PCDHA9: variants seen among roughly 807,000 people sequenced by gnomAD.
PCDHA9 encodes protocadherin alpha-9.
Under a neutral mutation model 62.0 loss-of-function variants are expected in PCDHA9, and 62 were observed. That is an observed-to-expected ratio of 1.00 (90% CI 0.81 to 1.23). PCDHA9 has a LOEUF of 1.23. Among genes scored for constraint, PCDHA9 ranks in the 50% most tolerant of loss-of-function variants. The pLI is 0.00. For missense variants in PCDHA9, 1,205 were observed against 1,249.8 expected, an observed-to-expected ratio of 0.96 and a Z score of 0.54; for synonymous variants, 557 against 567.6, an observed-to-expected ratio of 0.98 and a Z score of 0.27.
At chr5:140,871,545 A>G (rs1554165721) in intron 1 of PCDHA9, 1 of 1,501,736 alleles carries the variant, frequency 6.7e-7, no homozygotes, top group Non-Finnish European at 8.9e-7. Context: ...GAAATTATTT[A>G]AAATCCAGTT....
intron 1 of PCDHA9, chr5:140,876,310 G>A: frequency 6.2e-7 from 1 of 1,613,982 alleles, no homozygotes. Flanking sequence ...AATTTCCTAT[G>A]GGATCAAAAT....
chr5:140,940,361 A>T (rs1396183629), intron 1 of PCDHA9, among the ~76,000 whole-genome samples: 1 of 152,210 alleles, frequency 6.6e-6, no homozygotes, highest in Non-Finnish European at 1.5e-5. Flanking sequence ...TGCTATTAAA[A>T]GTATTCCTTG....
Position 140,924,836 on chromosome 5 carries a change from A to G in PCDHA9, c.2395-54113A>G, listed in dbSNP as rs182903893. ...CTTGAACCTGGGAGGGGGAGGTTGC[A>G]GGGAGCTCAGATCGTGCCACTGCAC... On this transcript the variant is annotated intron_variant, in intron 1 of 3. Coordinates refer to ENST00000532602, the MANE Select transcript of PCDHA9 (RefSeq NM_031857.2). Among the ~76,000 whole-genome samples, 1,210 of 151,808 alleles carry G rather than the reference A, an allele frequency of 8.0e-3. 6 individuals carry two copies. Among genetic ancestry groups the G allele is most frequent in the African/African-American group, 0.019 (780 of 41,292 alleles).
At chr5:140,897,100 A>G (rs10054072) in intron 1 of PCDHA9, among the ~76,000 whole-genome samples, 2,117 of 151,950 alleles carry the variant, frequency 0.014, 42 homozygotes, top group African/African-American at 0.049. Context: ...CTCATTAAAA[A>G]TCTCCACTTT....
At chr5:140,929,321 C>A (rs1554206981) in intron 1 of PCDHA9, 1 of 1,541,174 alleles carries the variant, frequency 6.5e-7, no homozygotes, top group Non-Finnish European at 8.8e-7. Flanking sequence ...AATGTCAATG[C>A]CATGGTAAGC....
Position 140,884,687 on chromosome 5 carries a change from T to C in PCDHA9, c.2394+33798T>C, listed in dbSNP as rs782253030. The C allele has an allele frequency of 4.6e-6, 7 of 1,538,230 alleles. No homozygotes were observed. In the South Asian group the frequency reaches 8.8e-5, roughly 19 times the overall value. On this transcript the variant is annotated intron_variant, in intron 1 of 3. Coordinates refer to ENST00000532602, the MANE Select transcript of PCDHA9 (RefSeq NM_031857.2). ...GGTAAGCTTATATTTTAAAAAATTGTCTTAGTAAACACTTTAGCCTTCCTT... is the reference window on the plus strand; with the variant it reads ...GGTAAGCTTATATTTTAAAAAATTGCCTTAGTAAACACTTTAGCCTTCCTT...
intron 1 of PCDHA9, among the ~76,000 whole-genome samples, chr5:140,945,934 T>C (rs1161156525): frequency 2.0e-5 from 3 of 152,092 alleles, no homozygotes; most frequent in African/African-American, 4.8e-5. Context: ...TGAGCAATGA[T>C]GTTTTTTATA....
At chr5:140,865,398 G>T (rs1554159421) in intron 1 of PCDHA9, 1 of 152,138 alleles carries the variant, frequency 6.6e-6, no homozygotes, top group African/African-American at 2.4e-5. Flanking sequence ...TAATATAAAT[G>T]CTGAAAAGGA....
At chr5:140,938,209 G>A (rs1210350140) in intron 1 of PCDHA9, among the ~76,000 whole-genome samples, 3 of 152,160 alleles carry the variant, frequency 2.0e-5, no homozygotes, top group Admixed American at 6.5e-5. Flanking sequence ...GCCTCCCAAA[G>A]TGCTGGGATT....
intron 1 of PCDHA9, among the ~76,000 whole-genome samples, chr5:140,918,875 T>G (rs1283138930): frequency 2.0e-5 from 3 of 152,188 alleles, no homozygotes; most frequent in African/African-American, 7.2e-5. Context: ...CTTTCAAGCC[T>G]CTAGAACAGT....
At chr5:140,858,877 T>C (rs1192816588) in intron 1 of PCDHA9, 1 of 245,498 alleles carries the variant, frequency 4.1e-6, no homozygotes, top group Non-Finnish European at 7.9e-6. Context: ...TGTGTTTTCC[T>C]CCATGTGTAG....
intron 1 of PCDHA9, among the ~76,000 whole-genome samples, chr5:140,897,315 T>C (rs980857290): frequency 6.8e-6 from 1 of 147,686 alleles, no homozygotes; most frequent in Non-Finnish European, 1.5e-5. Context: ...GTATATCTCC[T>C]AAAGCTATCC....
intron 1 of PCDHA9, among the ~76,000 whole-genome samples, chr5:140,887,392 G>A (rs1484199271): frequency 1.3e-5 from 2 of 152,024 alleles, no homozygotes; most frequent in African/African-American, 2.4e-5. Context: ...CACCGCGCCC[G>A]GCTCTTTATC....
At chr5:140,886,759 G>A (rs541111444) in intron 1 of PCDHA9, among the ~76,000 whole-genome samples, 221 of 150,566 alleles carry the variant, frequency 1.5e-3, no homozygotes, top group Non-Finnish European at 2.7e-3. Flanking sequence ...CCGGGAGGTG[G>A]AGGTTGCAGT....
intron 1 of PCDHA9, chr5:140,875,321 TC>T: frequency 1.4e-6 from 2 of 1,427,980 alleles, no homozygotes; most frequent in Non-Finnish European, 1.8e-6. Context: ...TTCCAATCAT[TC>T]ACGGAATAGG....
intron 1 of PCDHA9, chr5:140,863,089 A>C: frequency 3.5e-6 from 2 of 575,052 alleles, no homozygotes; most frequent in Non-Finnish European, 6.9e-6. Context: ...CGAGATCAGC[A>C]CGACGAGTAC....
chr5:140,923,242 C>T (rs1302368115), intron 1 of PCDHA9, among the ~76,000 whole-genome samples: 1 of 151,762 alleles, frequency 6.6e-6, no homozygotes, highest in Non-Finnish European at 1.5e-5. Flanking sequence ...AAGTTTGAGA[C>T]CAGCTGGGCA....
At chr5:140,966,374 C>A in intron 1 of PCDHA9, 1 of 405,174 alleles carries the variant, frequency 2.5e-6, no homozygotes, top group South Asian at 1.3e-4. Flanking sequence ...GCTGAGCAGT[C>A]CGGGTTCGCT....
intron 1 of PCDHA9, among the ~76,000 whole-genome samples, chr5:140,947,608 A>G (rs1381677530): frequency 3.3e-5 from 5 of 151,684 alleles, no homozygotes; most frequent in Non-Finnish European, 7.4e-5. Flanking sequence ...AAGATTTGGT[A>G]TCTTAACAAT....
Sources: allele counts gnomAD v4.1 joint callset (sites outside exome capture counted in the v4.1 genomes callset), GRCh38; gene constraint gnomAD v4.1.1; transcripts MANE v1.5; gene names NCBI Gene and HGNC (gene_info 2026-07-23, HGNC 2026-07-21).